Variants in DPP10 observed in about 807,000 individuals in gnomAD.
DPP10 encodes dipeptidyl peptidase like 10.
In DPP10, 33 loss-of-function variants were observed where a neutral mutation model predicts 120.9. The ratio of observed to expected loss-of-function variants is 0.27; its 90% CI spans 0.21 to 0.37. DPP10 has a LOEUF of 0.37. Ranked by LOEUF, DPP10 falls within the 10% of genes least tolerant of loss-of-function variation. DPP10 has a pLI of 1.00. For synonymous variants in DPP10, 337 were observed against 326.1 expected, an observed-to-expected ratio of 1.03 and a Z score of -0.36; for missense variants, 816 against 942.8, an observed-to-expected ratio of 0.87 and a Z score of 1.76.
At chr2:115,103,529 G>A (rs1259959054) in intron 1 of DPP10, among the ~76,000 whole-genome samples, 2 of 152,080 alleles carry the variant, frequency 1.3e-5, no homozygotes, top group African/African-American at 4.8e-5. Flanking sequence ...TCAGATTTTG[G>A]CTCCACCATC....
intron 1 of DPP10, among the ~76,000 whole-genome samples, chr2:114,642,984 C>A (rs1242596063): frequency 2.0e-5 from 3 of 151,882 alleles, no homozygotes; most frequent in Non-Finnish European, 2.9e-5. Context: ...GGTTATATAC[C>A]TGTTCATACA....
At chr2:115,387,219 TA>T (rs990006089) in intron 3 of DPP10, among the ~76,000 whole-genome samples, 11 of 152,218 alleles carry the variant, frequency 7.2e-5, no homozygotes, top group African/African-American at 2.6e-4. Flanking sequence ...TTTCTAGCAA[TA>T]GAAGGCTCCA....
chr2:114,996,571 A>G (rs1414969173), intron 1 of DPP10, among the ~76,000 whole-genome samples: 1 of 152,222 alleles, frequency 6.6e-6, no homozygotes, highest in African/African-American at 2.4e-5. Flanking sequence ...TAGTTTAGGC[A>G]ATATTAACAC....
chr2:115,528,490 A>G (rs2078268124), intron 5 of DPP10, among the ~76,000 whole-genome samples: 1 of 152,018 alleles, frequency 6.6e-6, no homozygotes, highest in Non-Finnish European at 1.5e-5. Flanking sequence ...CCAGCAATTA[A>G]ATTTCACTGG....
chr2:114,842,235 C>G (rs1688214545), intron 1 of DPP10, among the ~76,000 whole-genome samples: 2 of 152,002 alleles, frequency 1.3e-5, no homozygotes, highest in Admixed American at 1.3e-4. Context: ...TATGTCTTAT[C>G]TACATGTGAA....
intron 1 of DPP10, among the ~76,000 whole-genome samples, chr2:114,936,213 G>A (rs192233930): frequency 2.5e-4 from 38 of 151,956 alleles, no homozygotes; most frequent in East Asian, 2.1e-3. Context: ...AGCTTAGCTC[G>A]CACTTTAAGA....
At chr2:115,714,880 A>G (rs2092437250) in intron 7 of DPP10, among the ~76,000 whole-genome samples, 1 of 152,054 alleles carries the variant, frequency 6.6e-6, no homozygotes, top group Non-Finnish European at 1.5e-5. Flanking sequence ...ATATACAAAA[A>G]TTAGCCAGGC....
At chr2:115,430,705 G>A (rs533794095) in intron 3 of DPP10, among the ~76,000 whole-genome samples, 40 of 152,140 alleles carry the variant, frequency 2.6e-4, no homozygotes, top group South Asian at 2.1e-4. Context: ...TTTTCTACCC[G>A]AAAAGCCTTG....
intron 21 of DPP10, among the ~76,000 whole-genome samples, chr2:115,830,983 A>G (rs538003258): frequency 6.6e-6 from 1 of 152,148 alleles, no homozygotes; most frequent in Non-Finnish European, 1.5e-5. Flanking sequence ...AAGCTTCAGT[A>G]TACATTATCT....
At chr2:115,286,919 TTATAA>T (rs762054208) in intron 1 of DPP10, among the ~76,000 whole-genome samples, 1 of 152,024 alleles carries the variant, frequency 6.6e-6, no homozygotes, top group Non-Finnish European at 1.5e-5. Flanking sequence ...CCATGGCAGC[TTATAA>T]TATTTAAGTT....
chr2:114,867,955 C>T (rs1228961015), intron 1 of DPP10, among the ~76,000 whole-genome samples: 1 of 152,186 alleles, frequency 6.6e-6, no homozygotes, highest in Non-Finnish European at 1.5e-5. Flanking sequence ...AGTTACATTA[C>T]ACTTCTCATG....
chr2:114,560,200 T>C (rs989946317), intron 1 of DPP10, among the ~76,000 whole-genome samples: 1 of 152,130 alleles, frequency 6.6e-6, no homozygotes, highest in Non-Finnish European at 1.5e-5. Context: ...TGGTGAACCA[T>C]GGACTGCCCT....
intron 1 of DPP10, among the ~76,000 whole-genome samples, chr2:114,916,977 G>A (rs1414020553): frequency 6.6e-6 from 1 of 152,108 alleles, no homozygotes; most frequent in Non-Finnish European, 1.5e-5. Flanking sequence ...AGAATAATCA[G>A]GCAAGAGAAA....
chr2:115,128,967 G>A (rs117708088), intron 1 of DPP10, among the ~76,000 whole-genome samples: 15 of 152,254 alleles, frequency 9.9e-5, no homozygotes, highest in East Asian at 3.9e-4. Context: ...CTAAGATACC[G>A]GAGCAGTTCA....
In DPP10 at chr2:115,630,526, G is replaced by T. The variant is rs2085764975; in HGVS notation, c.442-59161G>T. On this transcript the variant is annotated intron_variant, in intron 5 of 25. Coordinates refer to ENST00000410059, the MANE Select transcript of DPP10 (RefSeq NM_020868.6). ...TTTCCAGCTTTTGCCCTTTCAATAT[G>T]ATATTGGCTGTGGGTTTGTAATAAA... Among the ~76,000 whole-genome samples the T allele has an allele frequency of 3.9e-5, 6 of 152,098 alleles. No homozygotes were observed. In the South Asian group the frequency reaches 1.2e-3, roughly 32 times the overall value.
chr2:115,034,919 T>C (rs1704120143), intron 1 of DPP10, among the ~76,000 whole-genome samples: 1 of 152,226 alleles, frequency 6.6e-6, no homozygotes, highest in South Asian at 2.1e-4. Flanking sequence ...TTACATTTTC[T>C]CACTGCCTAC....
intron 1 of DPP10, among the ~76,000 whole-genome samples, chr2:115,241,269 A>AAAATAAAT (rs58134986): frequency 0.062 from 9,325 of 151,138 alleles, 371 homozygotes; most frequent in Non-Finnish European, 0.09. Context: ...ACTCTATCTC[A>AAAATAAAT]AAATAAATAA....
intron 3 of DPP10, among the ~76,000 whole-genome samples, chr2:115,368,125 T>C (rs913122695): frequency 1.3e-5 from 2 of 152,158 alleles, no homozygotes; most frequent in Admixed American, 6.6e-5. Context: ...CAATATTAGT[T>C]TTCCATTTCT....
At chr2:115,320,199 C>T (rs1158317551) in intron 2 of DPP10, among the ~76,000 whole-genome samples, 1 of 152,134 alleles carries the variant, frequency 6.6e-6, no homozygotes, top group South Asian at 2.1e-4. Flanking sequence ...AAATTCTGCT[C>T]TTTCTTGATT....
Sources: allele counts gnomAD v4.1 joint callset (sites outside exome capture counted in the v4.1 genomes callset), GRCh38; gene constraint gnomAD v4.1.1; transcripts MANE v1.5; gene names NCBI Gene and HGNC (gene_info 2026-07-23, HGNC 2026-07-21).